Variants in TGM3 observed in about 807,000 individuals in gnomAD.
The protein encoded by TGM3 is protein-glutamine gamma-glutamyltransferase E.
TGM3 carries 52 observed loss-of-function variants against 73.8 expected under a neutral mutation model. The observed-to-expected ratio is 0.70, with a 90% CI of 0.56 to 0.89. TGM3 has a LOEUF of 0.89. Ranked by LOEUF, TGM3 falls within the 40% of genes least tolerant of loss-of-function variation. The pLI is 0.00. For missense variants in TGM3, 928 were observed against 909.9 expected, an observed-to-expected ratio of 1.02 and a Z score of -0.26; for synonymous variants, 372 against 354.9, an observed-to-expected ratio of 1.05 and a Z score of -0.54.
At chr20:2,311,479 G>T (rs1237724493) in intron 4 of TGM3, among the ~76,000 whole-genome samples, 1 of 152,130 alleles carries the variant, frequency 6.6e-6, no homozygotes, top group African/African-American at 2.4e-5. Context: ...TGTAGCTTCT[G>T]TTTTTCATTC....
At chr20:2,309,572 A>T in intron 1 of TGM3, 85 bp from the exon 2 acceptor site, 1 of 1,450,726 alleles carries the variant, frequency 6.9e-7, no homozygotes, top group Non-Finnish European at 9.5e-7. Context: ...CTCACCCCAA[A>T]GCTGCTCTTT....
At chr20:2,301,623 T>C (rs1464629568) in intron 1 of TGM3, among the ~76,000 whole-genome samples, 2 of 151,908 alleles carry the variant, frequency 1.3e-5, no homozygotes, top group East Asian at 3.9e-4. Flanking sequence ...TCCAGATCCA[T>C]GTATGTAAAG....
At chr20:2,302,616 C>T (rs2084154557) in intron 1 of TGM3, among the ~76,000 whole-genome samples, 1 of 149,528 alleles carries the variant, frequency 6.7e-6, no homozygotes, top group African/African-American at 2.4e-5. Context: ...CCGCTAGAGG[C>T]TTGTCCCTGT....
chr20:2,322,812 C>G (rs2084268703), intron 7 of TGM3, among the ~76,000 whole-genome samples: 1 of 152,182 alleles, frequency 6.6e-6, no homozygotes, highest in African/African-American at 2.4e-5. Context: ...TAGCTATGAT[C>G]ATCCAACTTA....
intron 7 of TGM3, among the ~76,000 whole-genome samples, chr20:2,324,374 G>A (rs2084276206): frequency 6.6e-6 from 1 of 151,982 alleles, no homozygotes; most frequent in African/African-American, 2.4e-5. Flanking sequence ...GGGTTTCTGT[G>A]GATTATCTTT....
intron 8 of TGM3, among the ~76,000 whole-genome samples, chr20:2,327,509 G>A (rs1211286114): frequency 6.6e-6 from 1 of 152,078 alleles, no homozygotes; most frequent in Non-Finnish European, 1.5e-5. Context: ...AAAAGATATA[G>A]TTAGACTAAA....
At chr20:2,315,346 G>A (rs1234876881) in intron 5 of TGM3, among the ~76,000 whole-genome samples, 1 of 152,240 alleles carries the variant, frequency 6.6e-6, no homozygotes, top group African/African-American at 2.4e-5. Context: ...TGACCGTGCT[G>A]ATAGCCACTT....
chr20:2,326,333 C>A (rs2422688), intron 8 of TGM3, among the ~76,000 whole-genome samples: 63 of 152,322 alleles, frequency 4.1e-4, no homozygotes, highest in Non-Finnish European at 7.8e-4. Flanking sequence ...CTGGTCACCA[C>A]CCACAGCAGC....
intron 7 of TGM3, among the ~76,000 whole-genome samples, chr20:2,319,343 G>A (rs1345243471): frequency 1.3e-5 from 2 of 152,124 alleles, no homozygotes; most frequent in Non-Finnish European, 2.9e-5. Context: ...GCATTTTTAT[G>A]GTGCTGTTAG....
rs929752233 is a variant in TGM3, at chr20:2,334,170, G to A, written c.1643-946G>A. Among the ~76,000 whole-genome samples the A allele has an allele frequency of 3.3e-5, 5 of 152,202 alleles. No homozygotes were observed. The highest frequency in any genetic ancestry group is 1.2e-4 in the African/African-American group (5 of 41,458). ...GAAGGAGCCGGATGCATGGAGAGAA[G>A]CCAGGGGAGGCATTTCCATCTGGGG... On this transcript the variant is annotated intron_variant, in intron 10 of 12. Coordinates refer to ENST00000381458, the MANE Select transcript of TGM3 (RefSeq NM_003245.4). The surrounding 1 kb of genome is among the most constrained non-coding windows in gnomAD (Gnocchi z 4.0).
At chr20:2,298,679 G>GC (rs1385319468) in intron 1 of TGM3, among the ~76,000 whole-genome samples, 2 of 152,152 alleles carry the variant, frequency 1.3e-5, no homozygotes, top group Non-Finnish European at 2.9e-5. Flanking sequence ...GACACCAGTC[G>GC]CCCCTCCTCC....
intron 1 of TGM3, among the ~76,000 whole-genome samples, chr20:2,298,037 A>G (rs214767): frequency 0.98 from 148,993 of 151,678 alleles, 73,187 homozygotes; most frequent in East Asian, 1. Flanking sequence ...AAATGGTCAC[A>G]GACAATGAGT....
chr20:2,328,112 G>A lies in TGM3; in HGVS notation c.1088-8G>A, dbSNP rs200234374. ...GCATATATCCAGCCTCTGCATCTTG[G>A]CCTCCAGGGGTGTTCCAGTGCGGCC... On this transcript the variant is annotated splice_region_variant and splice_polypyrimidine_tract_variant and intron_variant, in intron 8 of 12. Coordinates refer to ENST00000381458, the MANE Select transcript of TGM3 (RefSeq NM_003245.4). The surrounding 1 kb of genome is among the most constrained non-coding windows in gnomAD (Gnocchi z 5.2). The A allele has an allele frequency of 2.5e-6, 4 of 1,614,162 alleles. No homozygotes were observed. The Admixed American group carries it at 5.0e-5, about 20-fold the overall frequency.
Position 2,335,159 on chromosome 20 carries a change from G to A in TGM3, c.1686G>A (p.Lys562=), listed in dbSNP as rs201063903. 1.2e-6 allele frequency: 2 copies of A among 1,614,258 alleles called. No individual in the cohort carries two copies. The part of the protein sequence containing the change: ...PIKISYAQYE[K]YLKSDNMIRI... ...AGATCTCGTACGCTCAGTATGAGAA[G>A]TACCTGAAGTCAGACAACATGATCC... is the stretch of plus-strand genomic sequence containing the variant. Residue 562 remains lysine, a synonymous_variant, in exon 11 of 13, where the codon AAG becomes AAA. Transcript: ENST00000381458.
intron 7 of TGM3, among the ~76,000 whole-genome samples, chr20:2,323,248 G>C (rs976227729): frequency 6.6e-6 from 1 of 152,132 alleles, no homozygotes; most frequent in Non-Finnish European, 1.5e-5. Flanking sequence ...AAAGTCCATT[G>C]CGTCATTCTT....
intron 11 of TGM3, among the ~76,000 whole-genome samples, chr20:2,337,471 C>A (rs2084356569): frequency 6.6e-6 from 1 of 152,158 alleles, no homozygotes; most frequent in Admixed American, 6.5e-5. Flanking sequence ...GCAATCCCAG[C>A]ACTTTGGGAA....
At chr20:2,320,168 C>T (rs1368158753) in intron 7 of TGM3, among the ~76,000 whole-genome samples, 1 of 152,190 alleles carries the variant, frequency 6.6e-6, no homozygotes, top group Non-Finnish European at 1.5e-5. Flanking sequence ...TGACATGAAT[C>T]TTTGTATGTT....
At chr20:2,326,931 A>G (rs1173718987) in intron 8 of TGM3, among the ~76,000 whole-genome samples, 1 of 152,084 alleles carries the variant, frequency 6.6e-6, no homozygotes, top group Non-Finnish European at 1.5e-5. Flanking sequence ...TAACAATAAA[A>G]CTTAAGTCTT....
Position 2,309,945 on chromosome 20 carries a change from C to T in TGM3, c.181+115C>T, listed in dbSNP as rs1041403557. 4 of 1,466,148 alleles carry T rather than the reference C, an allele frequency of 2.7e-6. No homozygotes were observed. In the South Asian group the frequency reaches 5.1e-5, roughly 19 times the overall value. 90.8% of individuals were successfully genotyped at this position (1,466,148 alleles called of 1,614,324 possible). On this transcript the variant is annotated intron_variant, in intron 2 of 12. Transcript: ENST00000381458. The stretch of plus-strand genomic sequence containing the variant: ...ACTGGCATTGGGTTCTAGCCTTGCT[C>T]TGTCATTGATTCAGTGTGGCCTTGG...
Sources: gnomAD v4.1 joint callset for allele counts (sites outside exome capture counted in the v4.1 genomes callset) on GRCh38, gnomAD v4.1.1 for gene constraint, Gnocchi (gnomAD v3.1) non-coding constraint, MANE v1.5 for transcripts, NCBI Gene and HGNC (gene_info 2026-07-23, HGNC 2026-07-21) for gene names.